The following GUCY2C variants were observed in gnomAD, a reference collection of about 807,000 sequenced individuals.
GUCY2C encodes the protein guanylate cyclase 2C, also known as guanylyl cyclase C.
In GUCY2C, 118 loss-of-function variants were observed where a neutral mutation model predicts 131.1. That is an observed-to-expected ratio of 0.90 (90% confidence interval 0.78 to 1.05). The LOEUF (loss-of-function observed/expected upper bound fraction) is 1.05, where lower values mean the gene tolerates loss of function less well. GUCY2C is among the 50% of genes least tolerant of loss of function. The probability of loss-of-function intolerance (pLI) is 0.00; values close to 1 mark genes in which losing one functional copy is unlikely to be tolerated. For synonymous variants in GUCY2C, 452 were observed against 457.8 expected, an observed-to-expected ratio of 0.99 and a Z score of 0.16; for missense variants, 1,161 against 1,304.4, an observed-to-expected ratio of 0.89 and a Z score of 1.69.
rs1024400330 is a variant in GUCY2C, at chr12:14,652,571, G to T, written c.1533+381C>A. On this transcript the variant is annotated intron_variant, in intron 13 of 26. Transcript: ENST00000261170. ...GAATGACTAAATGGAAGGAAGGCAGGCAGAAGGGAGGGAGGGAAGAAAGAA... is the reference window on the plus strand; with the variant it reads ...GAATGACTAAATGGAAGGAAGGCAGTCAGAAGGGAGGGAGGGAAGAAAGAA... Among the ~76,000 whole-genome samples the T allele has an allele frequency of 2.0e-5, 3 of 152,290 alleles. No homozygotes were observed. The East Asian group carries it at 5.8e-4, about 29-fold the overall frequency.
rs11056069 is a variant in GUCY2C, at chr12:14,632,483, G to T, written c.2158-3746C>A. 1.4e-3 allele frequency among the ~76,000 whole-genome samples: 215 copies of T among 152,270 alleles called. 3 individuals are homozygous for T. The South Asian group carries it at 0.019, about 13-fold the overall frequency. ...TCACAGGGCTTCAAGGCCTTTTTGA[G>T]GGACAATTACAAAAGCAAATGTAAA... On this transcript the variant is annotated intron_variant, in intron 19 of 26. Transcript: ENST00000261170.
intron 19 of GUCY2C, among the ~76,000 whole-genome samples, chr12:14,631,144 G>A (rs550247708): frequency 5.3e-5 from 8 of 152,304 alleles, no homozygotes; most frequent in African/African-American, 1.4e-4. Flanking sequence ...CAGTGTCTTT[G>A]TAAATGGAAG....
intron 19 of GUCY2C, among the ~76,000 whole-genome samples, chr12:14,636,729 A>G (rs911990601): frequency 6.6e-6 from 1 of 152,188 alleles, no homozygotes; most frequent in African/African-American, 2.4e-5. Flanking sequence ...TCTTACGTCT[A>G]GAAAACCTAA....
intron 19 of GUCY2C, among the ~76,000 whole-genome samples, chr12:14,636,883 G>T (rs1263796962): frequency 6.6e-6 from 1 of 152,028 alleles, no homozygotes; most frequent in Non-Finnish European, 1.5e-5. Context: ...GAGCTCAGGA[G>T]TTCGAGACAA....
intron 19 of GUCY2C, among the ~76,000 whole-genome samples, chr12:14,633,331 G>A (rs1388427542): frequency 6.6e-6 from 1 of 152,078 alleles, no homozygotes; most frequent in Admixed American, 6.5e-5. Context: ...AAATTATGTA[G>A]AGACTACACT....
In GUCY2C at chr12:14,634,273, T is replaced by C. The variant is rs530078054; in HGVS notation, c.2158-5536A>G. On this transcript the variant is annotated intron_variant, in intron 19 of 26. Transcript: ENST00000261170. ...AAAACCAAATTCCAGTTAAGGATAC[T>C]ATATCCAGCAAACTTATCTTTCATA... Among the ~76,000 whole-genome samples, 17 of 152,320 alleles carry C rather than the reference T, an allele frequency of 1.1e-4. No homozygotes were observed. In the South Asian group the frequency reaches 2.7e-3, roughly 24 times the overall value.
intron 8 of GUCY2C, among the ~76,000 whole-genome samples, chr12:14,673,602 T>C (rs1426308516): frequency 1.3e-5 from 2 of 152,212 alleles, no homozygotes; most frequent in Non-Finnish European, 2.9e-5. Context: ...GAAACTATTA[T>C]TATCTCCGTT....
chr12:14,629,636 A>G (rs1306299022), intron 19 of GUCY2C, among the ~76,000 whole-genome samples: 2 of 152,216 alleles, frequency 1.3e-5, no homozygotes, highest in African/African-American at 4.8e-5. Flanking sequence ...GCCACGAGAA[A>G]TATCAGCCCA....
chr12:14,621,703 A>T (rs1046034895), intron 22 of GUCY2C, among the ~76,000 whole-genome samples: 1 of 152,302 alleles, frequency 6.6e-6, no homozygotes, highest in African/African-American at 2.4e-5. Context: ...CAGCCTAAAC[A>T]CTGCCCATTT....
At chr12:14,689,479 T>C (rs1320190392) in intron 1 of GUCY2C, among the ~76,000 whole-genome samples, 1 of 152,192 alleles carries the variant, frequency 6.6e-6, no homozygotes, top group Non-Finnish European at 1.5e-5. Flanking sequence ...ATCATTCTTA[T>C]TGATAAAAAG....
At chr12:14,623,303 G>A (rs1946931784) in intron 21 of GUCY2C, among the ~76,000 whole-genome samples, 1 of 152,134 alleles carries the variant, frequency 6.6e-6, no homozygotes, top group Non-Finnish European at 1.5e-5. Context: ...CAACAAAGGA[G>A]GTGGGCTCTC....
chr12:14,641,663 G>T (rs1357652775), intron 17 of GUCY2C, among the ~76,000 whole-genome samples: 2 of 152,180 alleles, frequency 1.3e-5, no homozygotes, highest in Non-Finnish European at 2.9e-5. Context: ...TTTTGGCCAG[G>T]CGTAGTGGCT....
intron 8 of GUCY2C, chr12:14,674,173 A>G (rs1565630294): frequency 4.8e-6 from 1 of 206,540 alleles, no homozygotes; most frequent in Non-Finnish European, 9.9e-6. Flanking sequence ...CATGCAGCTC[A>G]GGAGGTTTGT....
intron 21 of GUCY2C, among the ~76,000 whole-genome samples, chr12:14,624,682 T>A (rs1476239090): frequency 6.6e-6 from 1 of 152,170 alleles, no homozygotes; most frequent in East Asian, 1.9e-4. Flanking sequence ...ATAACCAAAG[T>A]GAGTTGTGCT....
rs190927823 is a variant in GUCY2C at position 14,681,304 on chromosome 12, G to A, written c.733+52C>T. 1.7e-5 allele frequency: 26 copies of A among 1,514,176 alleles called. No homozygotes were observed. The East Asian group carries it at 5.4e-4, about 32-fold the overall frequency. The allele number at this position is 1,514,176 out of a possible 1,614,324, so 93.8% of individuals were successfully genotyped here. A position where few individuals can be genotyped will look rare whatever the true frequency, so the allele number is the denominator to read the frequency against. On this transcript the variant is annotated intron_variant, in intron 5 of 26. Coordinates refer to ENST00000261170, the MANE Select transcript of GUCY2C (RefSeq NM_004963.4). ...TGTTGAAATGACTTATAAGGAGGTG[G>A]TAGTCATAAAGAAGAAGTTAGCAAA... is the stretch of plus-strand genomic sequence containing the variant.
At chr12:14,618,571 T>A (rs1040833315) in intron 24 of GUCY2C, among the ~76,000 whole-genome samples, 1 of 151,838 alleles carries the variant, frequency 6.6e-6, no homozygotes, top group African/African-American at 2.4e-5. Context: ...GAGGCCAAGG[T>A]GGAAGGACTC....
intron 24 of GUCY2C, among the ~76,000 whole-genome samples, 179 bp from the exon 25 acceptor site, chr12:14,616,906 T>C (rs1281799820): frequency 6.6e-6 from 1 of 152,186 alleles, no homozygotes; most frequent in Non-Finnish European, 1.5e-5. Flanking sequence ...ATGGTATAGT[T>C]TGGATATTTG....
intron 9 of GUCY2C, among the ~76,000 whole-genome samples, 193 bp from the exon 10 acceptor site, chr12:14,670,026 C>T (rs1212514253): frequency 1.3e-5 from 2 of 152,170 alleles, no homozygotes; most frequent in Non-Finnish European, 2.9e-5. Flanking sequence ...TTCAGATGGA[C>T]CGATTAGTTT....
At chr12:14,655,577 AT>A (rs1246710495) in intron 12 of GUCY2C, among the ~76,000 whole-genome samples, 1 of 152,186 alleles carries the variant, frequency 6.6e-6, no homozygotes, top group Non-Finnish European at 1.5e-5. Context: ...ATTCCTGCTG[AT>A]TTTAAGCAAG....
Sources: allele counts gnomAD v4.1 joint callset (sites outside exome capture counted in the v4.1 genomes callset), GRCh38; gene constraint gnomAD v4.1.1; transcripts MANE v1.5; gene names NCBI Gene and HGNC (gene_info 2026-07-23, HGNC 2026-07-21).